TTPA: variants seen among roughly 807,000 people sequenced by gnomAD.
TTPA encodes alpha-tocopherol transfer protein.
A neutral mutation model predicts 25.9 loss-of-function variants in TTPA; 23 were observed. The ratio of observed to expected loss-of-function variants is 0.89; its 90% CI spans 0.64 to 1.26. TTPA has a LOEUF of 1.26. TTPA is among the 50% of genes most tolerant of loss of function. The probability of loss-of-function intolerance (pLI) is 0.00; values close to 1 mark genes in which losing one functional copy is unlikely to be tolerated. For synonymous variants in TTPA, 148 were observed against 137.3 expected (o/e 1.08, Z -0.54); for missense variants, 337 against 353.1 (o/e 0.95, Z 0.37).
chr8:63,072,391 T>C (rs1169007404), intron 2 of TTPA, among the ~76,000 whole-genome samples: 1 of 152,134 alleles, frequency 6.6e-6, no homozygotes, highest in Non-Finnish European at 1.5e-5. Context: ...GCCTCCCGAG[T>C]AGCTGGGATT....
intron 3 of TTPA, among the ~76,000 whole-genome samples, chr8:63,064,872 T>C (rs1283968130): frequency 6.6e-6 from 1 of 152,204 alleles, no homozygotes; most frequent in Admixed American, 6.5e-5. Context: ...AAGGTTCTTT[T>C]ATGTGAAGTT....
intron 1 of TTPA, among the ~76,000 whole-genome samples, chr8:63,076,999 A>G (rs1163062087): frequency 6.6e-6 from 1 of 152,168 alleles, no homozygotes; most frequent in Non-Finnish European, 1.5e-5. Context: ...AAGAGATTAT[A>G]AAACCCAGAG....
intron 1 of TTPA, among the ~76,000 whole-genome samples, chr8:63,075,490 C>T (rs914721336): frequency 3.3e-5 from 5 of 151,900 alleles, no homozygotes; most frequent in Admixed American, 6.6e-5. Flanking sequence ...GAGGCCAAAA[C>T]GGATGGATCA....
chr8:63,085,986 C>T lies in TTPA; in HGVS notation c.36G>A (p.Pro12=), dbSNP rs773911591. ...AEARSQPSAG[P]QLNALPDHSP... Reference sequence around the variant, plus strand: ...AGTGGTCCGGTAGCGCGTTGAGCTGCGGCCCCGCCGAGGGCTGGGATCGCG... The same window carrying T: ...AGTGGTCCGGTAGCGCGTTGAGCTGTGGCCCCGCCGAGGGCTGGGATCGCG... The change falls in exon 1 of 5, where the codon CCG becomes CCA. Residue 12 remains proline, a synonymous_variant. Transcript: ENST00000260116. 10 of 1,492,998 alleles carry T rather than the reference C, an allele frequency of 6.7e-6. No individual in the cohort carries two copies. In the African/African-American group the frequency reaches 1.3e-4, roughly 20 times the overall value. 92.5% of individuals were successfully genotyped at this position (1,492,998 alleles called of 1,614,324 possible).
chr8:63,067,579 A>G (rs1805414034), intron 2 of TTPA, among the ~76,000 whole-genome samples: 1 of 151,912 alleles, frequency 6.6e-6, no homozygotes, highest in African/African-American at 2.4e-5. Context: ...GGCATGGGAA[A>G]CTGGATAGAA....
In TTPA at chr8:63,066,054, T is replaced by G. The variant is rs373811993; in HGVS notation, c.402A>C (p.Arg134=). Residue 134 remains arginine (R), a synonymous_variant, in exon 3 of 5, where the codon CGA becomes CGC. Coordinates refer to ENST00000260116, the MANE Select transcript of TTPA (RefSeq NM_000370.3). ...TAAGCTCGGATGTGATTAGACTTAC[T>G]CGAAATACGTCATAAGCTGTAAAAA... ...PKVFTAYDVF[R]VSLITSELIV... 5 of 1,613,118 alleles carry G rather than the reference T, an allele frequency of 3.1e-6. No individual in the cohort carries two copies. The highest frequency in any genetic ancestry group is 4.2e-6 in the Non-Finnish European group (5 of 1,179,918).
At chr8:63,081,016 C>CAA (rs879635708) in intron 1 of TTPA, among the ~76,000 whole-genome samples, 19 of 134,332 alleles carry the variant, frequency 1.4e-4, no homozygotes, top group African/African-American at 4.3e-4. Flanking sequence ...GCCTACCAAC[C>CAA]AAAAAAAAAA....
At chr8:63,079,640 C>T (rs532952536) in intron 1 of TTPA, among the ~76,000 whole-genome samples, 1 of 152,108 alleles carries the variant, frequency 6.6e-6, no homozygotes, top group Admixed American at 6.5e-5. Flanking sequence ...CCTAAATACA[C>T]CCAATACAGG....
At chr8:63,081,443 C>G (rs959880043) in intron 1 of TTPA, among the ~76,000 whole-genome samples, 3 of 152,118 alleles carry the variant, frequency 2.0e-5, no homozygotes, top group African/African-American at 7.2e-5. Flanking sequence ...ATTCAACAGC[C>G]CTTCATGCTA....
chr8:63,060,619 A>G lies in TTPA; in HGVS notation c.*633T>C, dbSNP rs1327992753. The G allele has an allele frequency of 6.6e-6, 1 of 152,340 alleles. No individual in the cohort carries two copies. Among genetic ancestry groups the G allele is most frequent in the Non-Finnish European group, 1.5e-5 (1 of 68,472 alleles). The allele number at this position is 152,340 out of a possible 1,614,324, so 9.4% of individuals were successfully genotyped here. ...TGTAATCCTAGCAGAGGTTGCAGTG[A>G]GCTGAGATCTCACTACTGCACTCTA... On this transcript the variant is annotated 3_prime_UTR_variant, in exon 5 of 5. Transcript: ENST00000260116.
chr8:63,085,676 G>T, intron 1 of TTPA, 142 bp downstream of exon 1: 1 of 949,238 alleles, frequency 1.1e-6, no homozygotes, highest in Non-Finnish European at 1.5e-6. Flanking sequence ...CAGCGCCCAC[G>T]CCGGGTGGTT....
intron 2 of TTPA, among the ~76,000 whole-genome samples, chr8:63,066,508 C>G (rs1805392662): frequency 6.6e-6 from 1 of 152,156 alleles, no homozygotes; most frequent in Non-Finnish European, 1.5e-5. Flanking sequence ...GCATGAGGAA[C>G]AGGCAGGCAA....
At chr8:63,074,294 TG>T (rs762970733) in intron 1 of TTPA, among the ~76,000 whole-genome samples, 39 of 152,170 alleles carry the variant, frequency 2.6e-4, no homozygotes, top group Admixed American at 7.2e-4. Context: ...TGAGTGGACC[TG>T]AAGAGAACCA....
At chr8:63,084,904 G>C (rs1177585443) in intron 1 of TTPA, among the ~76,000 whole-genome samples, 14 of 152,106 alleles carry the variant, frequency 9.2e-5, no homozygotes, top group Admixed American at 9.2e-4. Context: ...AAACAAACAA[G>C]AGAAACCCTC....
intron 4 of TTPA, 102 bp from the exon 5 acceptor site, chr8:63,061,527 G>T: frequency 9.9e-7 from 1 of 1,009,400 alleles, no homozygotes; most frequent in Non-Finnish European, 1.5e-6. Context: ...CTAAAATGGA[G>T]TGTATAAATA....
intron 4 of TTPA, among the ~76,000 whole-genome samples, chr8:63,062,238 C>A (rs1310575550): frequency 6.6e-6 from 1 of 150,530 alleles, no homozygotes; most frequent in Non-Finnish European, 1.5e-5. Context: ...TATTAAAAAA[C>A]AATTATGATA....
chr8:63,080,538 G>A (rs1437143782), intron 1 of TTPA, among the ~76,000 whole-genome samples: 7 of 151,864 alleles, frequency 4.6e-5, no homozygotes, highest in Non-Finnish European at 7.4e-5. Flanking sequence ...TAGCTAACAC[G>A]GTGAAACCCC....
In TTPA at chr8:63,059,499, G is replaced by A. The variant is rs1805267870; in HGVS notation, c.*1753C>T. Among the ~76,000 whole-genome samples, 1 of 151,968 alleles carries A rather than the reference G, an allele frequency of 6.6e-6. No individual in the cohort carries two copies. Among genetic ancestry groups the A allele is most frequent in the South Asian group, 2.1e-4 (1 of 4,830 alleles). On this transcript the variant is annotated 3_prime_UTR_variant, in exon 5 of 5. Transcript: ENST00000260116. ...CTGATTAAACTAATTTTCTTATAAA[G>A]AAAAACACCCTTCACATATCCTTAC...
At chr8:63,084,723 T>C (rs1041440443) in intron 1 of TTPA, among the ~76,000 whole-genome samples, 4 of 152,252 alleles carry the variant, frequency 2.6e-5, no homozygotes, top group African/African-American at 9.6e-5. Context: ...GCTTTTTTCC[T>C]TTAGAAAGTT....
Sources: allele counts gnomAD v4.1 joint callset (sites outside exome capture counted in the v4.1 genomes callset), GRCh38; gene constraint gnomAD v4.1.1; transcripts MANE v1.5; gene names NCBI Gene and HGNC (gene_info 2026-07-23, HGNC 2026-07-21).